The following GPC5 variants were observed in gnomAD, a reference collection of about 807,000 sequenced individuals.
GPC5 encodes the protein glypican 5.
GPC5 carries 47 observed loss-of-function variants against 53.9 expected under a neutral mutation model. The observed-to-expected ratio is 0.87, with a 90% confidence interval of 0.69 to 1.11. The LOEUF is 1.11. Ranked by LOEUF, GPC5 falls within the 50% of genes most tolerant of loss-of-function variation. GPC5 has a pLI of 0.00. For synonymous variants in GPC5, 286 were observed against 263.3 expected, an observed-to-expected ratio of 1.09 and a Z score of -0.84; for missense variants, 748 against 713.1, an observed-to-expected ratio of 1.05 and a Z score of -0.56.
At chr13:91,767,493 T>C (rs1233578633) in intron 5 of GPC5, among the ~76,000 whole-genome samples, 1 of 152,242 alleles carries the variant, frequency 6.6e-6, no homozygotes, top group Non-Finnish European at 1.5e-5. Flanking sequence ...AATAAATTTC[T>C]GAAGCCAGGC....
At chr13:92,478,637 A>G (rs1258591685) in intron 7 of GPC5, among the ~76,000 whole-genome samples, 2 of 152,186 alleles carry the variant, frequency 1.3e-5, no homozygotes, top group Non-Finnish European at 2.9e-5. Flanking sequence ...AAACCTGTCA[A>G]TAGGAAGAGA....
chr13:91,711,259 G>A (rs552126117), intron 3 of GPC5, among the ~76,000 whole-genome samples: 22 of 152,200 alleles, frequency 1.4e-4, no homozygotes, highest in African/African-American at 4.8e-4. Flanking sequence ...TATACACCAC[G>A]GAATACTATG....
chr13:92,159,435 G>T (rs188104339), intron 7 of GPC5, among the ~76,000 whole-genome samples: 2 of 152,016 alleles, frequency 1.3e-5, no homozygotes, highest in Admixed American at 6.5e-5. Flanking sequence ...AATTTGGGGC[G>T]GGGACTCAGG....
intron 7 of GPC5, among the ~76,000 whole-genome samples, chr13:92,295,232 G>T (rs537342099): frequency 3.3e-5 from 5 of 152,212 alleles, no homozygotes; most frequent in African/African-American, 9.6e-5. Context: ...TTGTCATTCA[G>T]TTCGAAAAGT....
intron 2 of GPC5, among the ~76,000 whole-genome samples, chr13:91,505,092 T>C (rs1405607925): frequency 6.6e-6 from 1 of 152,226 alleles, no homozygotes; most frequent in African/African-American, 2.4e-5. Flanking sequence ...ATATATTGAA[T>C]GTAACTGTTT....
intron 6 of GPC5, among the ~76,000 whole-genome samples, chr13:92,076,903 T>TTTA (rs2041256429): frequency 6.6e-6 from 1 of 152,146 alleles, no homozygotes; most frequent in African/African-American, 2.4e-5. Context: ...AAGGCCTGAA[T>TTTA]AGGAAATATT....
intron 2 of GPC5, among the ~76,000 whole-genome samples, chr13:91,493,575 C>T (rs1003648525): frequency 6.6e-6 from 1 of 152,028 alleles, no homozygotes; most frequent in Non-Finnish European, 1.5e-5. Flanking sequence ...TTTTAGACCC[C>T]ACAAATCAGT....
chr13:92,051,099 C>T (rs2041023786), intron 6 of GPC5, among the ~76,000 whole-genome samples: 1 of 151,916 alleles, frequency 6.6e-6, no homozygotes, highest in Non-Finnish European at 1.5e-5. Flanking sequence ...GCCTCCCAAA[C>T]TTTATTACAC....
chr13:92,314,961 CA>C (rs1241668274), intron 7 of GPC5, among the ~76,000 whole-genome samples: 1 of 151,944 alleles, frequency 6.6e-6, no homozygotes, highest in Non-Finnish European at 1.5e-5. Context: ...CTTTTTGGTA[CA>C]GACGGGGTGT....
intron 7 of GPC5, among the ~76,000 whole-genome samples, chr13:92,244,675 T>C (rs967513153): frequency 5.3e-5 from 8 of 152,204 alleles, no homozygotes; most frequent in African/African-American, 9.6e-5. Context: ...TTTATACATG[T>C]AACATTTTCC....
chr13:91,523,210 C>A (rs898235072), intron 2 of GPC5, among the ~76,000 whole-genome samples: 4 of 152,234 alleles, frequency 2.6e-5, no homozygotes, highest in Non-Finnish European at 5.9e-5. Flanking sequence ...AAAAATAGAA[C>A]TACCATATGA....
At chr13:91,764,657 G>A (rs1173411928) in intron 5 of GPC5, among the ~76,000 whole-genome samples, 2 of 152,138 alleles carry the variant, frequency 1.3e-5, no homozygotes, top group Admixed American at 6.6e-5. Flanking sequence ...GTCCAGTTAG[G>A]TTCTGCTTCA....
chr13:92,384,149 A>G (rs1180178256), intron 7 of GPC5, among the ~76,000 whole-genome samples: 1 of 149,282 alleles, frequency 6.7e-6, no homozygotes, highest in Non-Finnish European at 1.5e-5. Context: ...ACTCCAGGTT[A>G]TTTTCGTTGC....
intron 7 of GPC5, among the ~76,000 whole-genome samples, chr13:92,270,172 T>A (rs2042830348): frequency 6.6e-6 from 1 of 152,138 alleles, no homozygotes; most frequent in Admixed American, 6.5e-5. Flanking sequence ...GCAAATCATG[T>A]AAGAAGGAGA....
intron 3 of GPC5, among the ~76,000 whole-genome samples, chr13:91,725,488 A>G (rs1310556667): frequency 1.3e-5 from 2 of 152,208 alleles, no homozygotes; most frequent in Non-Finnish European, 2.9e-5. Flanking sequence ...TTTCTTTTCA[A>G]TAAAGTATGA....
intron 6 of GPC5, among the ~76,000 whole-genome samples, chr13:92,128,200 A>AGGGTT (rs971627292): frequency 1.4e-4 from 22 of 152,266 alleles, no homozygotes; most frequent in African/African-American, 5.1e-4. Flanking sequence ...TATGGTTCTC[A>AGGGTT]GGGTTTGTTG....
chr13:91,437,211 TG>T (rs1445441862), intron 1 of GPC5, among the ~76,000 whole-genome samples: 1 of 152,232 alleles, frequency 6.6e-6, no homozygotes, highest in Non-Finnish European at 1.5e-5. Context: ...TTGTTATGTG[TG>T]AATTTGATCC....
At chr13:92,610,468 A>G (rs1012458414) in intron 7 of GPC5, among the ~76,000 whole-genome samples, 1 of 152,150 alleles carries the variant, frequency 6.6e-6, no homozygotes, top group African/African-American at 2.4e-5. Flanking sequence ...AAGGTACCAT[A>G]TAGTACCTCA....
chr13:92,577,296 C>G (rs1366502054), intron 7 of GPC5, among the ~76,000 whole-genome samples: 1 of 152,134 alleles, frequency 6.6e-6, no homozygotes, highest in East Asian at 1.9e-4. Flanking sequence ...AGTCGTCAAT[C>G]TCGCTTTAGT....
Sources: gnomAD v4.1 joint callset for allele counts (sites outside exome capture counted in the v4.1 genomes callset) on GRCh38, gnomAD v4.1.1 for gene constraint, MANE v1.5 for transcripts, NCBI Gene and HGNC (gene_info 2026-07-23, HGNC 2026-07-21) for gene names.